MCM8: variants seen among roughly 807,000 people sequenced by gnomAD.
The protein encoded by MCM8 is DNA helicase MCM8.
A neutral mutation model predicts 98.9 loss-of-function variants in MCM8; 85 were observed. The observed-to-expected ratio is 0.86, with a 90% CI of 0.72 to 1.03. MCM8 has a LOEUF of 1.03. Ranked by LOEUF, MCM8 falls within the 50% of genes least tolerant of loss-of-function variation. The probability of loss-of-function intolerance (pLI) is 0.00; values close to 1 mark genes in which losing one functional copy is unlikely to be tolerated. For missense variants in MCM8, 951 were observed against 997.8 expected (o/e 0.95, Z 0.63); for synonymous variants, 352 against 338.6 (o/e 1.04, Z -0.44).
rs1248609117 is a variant in MCM8 at position 5,997,095 on chromosome 20, T to C, written c.*2704T>C. 1 of 152,392 alleles carries C rather than the reference T, an allele frequency of 6.6e-6. No individual in the cohort carries two copies. Among genetic ancestry groups the C allele is most frequent in the Admixed American group, 6.5e-5 (1 of 15,290 alleles). The allele number at this position is 152,392 out of a possible 1,614,324, so 9.4% of individuals were successfully genotyped here. On this transcript the variant is annotated 3_prime_UTR_variant, in exon 19 of 19. Coordinates refer to ENST00000610722, the MANE Select transcript of MCM8 (RefSeq NM_032485.6). Reference sequence around the variant, plus strand: ...ATTGTTTCTGTGTCACCATTGCTGATTAAAACAAATCCTAAGTACAAATGT... The same window carrying C: ...ATTGTTTCTGTGTCACCATTGCTGACTAAAACAAATCCTAAGTACAAATGT...
At chr20:5,978,367 C>G (rs2089558402) in intron 13 of MCM8, among the ~76,000 whole-genome samples, 1 of 152,104 alleles carries the variant, frequency 6.6e-6, no homozygotes. Flanking sequence ...AGTAAGCTCC[C>G]TGTATGGTGG....
Position 5,959,122 on chromosome 20 carries a change from C to T in MCM8, c.789+396C>T, listed in dbSNP as rs1198653880. ...TTTTTTTTCCCCTTTATTTCTTCTA[C>T]TATTTAGAAGTGATGGGTTTTTTAA... On this transcript the variant is annotated intron_variant, in intron 7 of 18. Transcript: ENST00000610722. Among the ~76,000 whole-genome samples the T allele has an allele frequency of 2.6e-5, 4 of 151,568 alleles. No individual in the cohort carries two copies. In the South Asian group the frequency reaches 6.2e-4, roughly 24 times the overall value.
intron 12 of MCM8, among the ~76,000 whole-genome samples, chr20:5,974,013 T>A (rs1397926735): frequency 6.6e-6 from 1 of 152,198 alleles, no homozygotes; most frequent in East Asian, 1.9e-4. Flanking sequence ...ATTCTGCCTC[T>A]GCCAGTCAGA....
In MCM8 at chr20:5,952,002, A is replaced by C. The variant is rs766605374; in HGVS notation, c.-5-9A>C. On this transcript the variant is annotated splice_polypyrimidine_tract_variant and intron_variant, in intron 1 of 18. Coordinates refer to ENST00000610722, the MANE Select transcript of MCM8 (RefSeq NM_032485.6). Reference sequence around the variant, plus strand: ...TTTGGTGAAGACCTTTTTAATATCTATCTTTTAGGAGAGATGAATGGAGAG... The same window carrying C: ...TTTGGTGAAGACCTTTTTAATATCTCTCTTTTAGGAGAGATGAATGGAGAG... 1 of 1,600,932 alleles carries C rather than the reference A, an allele frequency of 6.2e-7. No individual in the cohort carries two copies. Among genetic ancestry groups the C allele is most frequent in the South Asian group, 1.1e-5 (1 of 88,846 alleles).
At chr20:5,965,662 T>C (rs116171907) in intron 8 of MCM8, among the ~76,000 whole-genome samples, 1,989 of 152,334 alleles carry the variant, frequency 0.013, 46 homozygotes, top group African/African-American at 0.046. Flanking sequence ...TCTTTTCTTA[T>C]ACTCTGCTAG....
At chr20:5,959,160 C>G (rs2089069017) in intron 7 of MCM8, among the ~76,000 whole-genome samples, 1 of 151,766 alleles carries the variant, frequency 6.6e-6, no homozygotes, top group African/African-American at 2.4e-5. Context: ...CTTTATTAGC[C>G]TTTATTAAAC....
rs2089956942 is a variant in MCM8 at position 5,996,311 on chromosome 20, A to C, written c.*1920A>C. The C allele has an allele frequency of 6.7e-6, 1 of 149,142 alleles. No individual in the cohort carries two copies. Among genetic ancestry groups the C allele is most frequent in the African/African-American group, 2.5e-5 (1 of 39,914 alleles). 9.2% of individuals were successfully genotyped at this position (149,142 alleles called of 1,614,324 possible). A position where few individuals can be genotyped will look rare whatever the true frequency, so the allele number is the denominator to read the frequency against. On this transcript the variant is annotated 3_prime_UTR_variant, in exon 19 of 19. Coordinates refer to ENST00000610722, the MANE Select transcript of MCM8 (RefSeq NM_032485.6). ...AAAAAAAATGGAGAAAGTAGATAGT[A>C]GTATAAATATAGTGAAGTCTTTAAA...
chr20:5,977,993 G>T lies in MCM8; in HGVS notation c.1513G>T (p.Gly505Cys), dbSNP rs2089549735. 2 of 1,614,074 alleles carry T rather than the reference G, an allele frequency of 1.2e-6. No individual in the cohort carries two copies. The highest frequency in any genetic ancestry group is 1.7e-6 in the Non-Finnish European group (2 of 1,180,032). Residue 505 changes from glycine to cysteine, a missense_variant, in exon 13 of 19, where the codon GGT becomes TGT. Gly to Cys is a radical substitution (Grantham distance 159, BLOSUM62 -3). Transcript: ENST00000610722. ...CTCTGGAGATTTTGCTTTGGAAGCT[G>T]GTGCCCTGGTACTTGGTGATCAAGG... ...SSSGDFALEA[G>C]ALVLGDQGIC...
At chr20:5,958,846 T>G in intron 7 of MCM8, 120 bp downstream of exon 7, 4 of 919,384 alleles carry the variant, frequency 4.4e-6, no homozygotes, top group Non-Finnish European at 6.3e-6. Context: ...TTTTCAATTT[T>G]CTGCTTTTAT....
At chr20:5,991,931 C>T (rs1010853622) in intron 17 of MCM8, among the ~76,000 whole-genome samples, 2 of 152,146 alleles carry the variant, frequency 1.3e-5, no homozygotes, top group Non-Finnish European at 2.9e-5. Flanking sequence ...TTTAAGATTA[C>T]ATTTTAACTG....
chr20:5,952,019 A>G lies in MCM8; in HGVS notation c.4A>G (p.Asn2Asp). Residue 2 changes from asparagine to aspartate, a missense_variant, in exon 2 of 19, where the codon AAT becomes GAT. Coordinates refer to ENST00000610722, the MANE Select transcript of MCM8 (RefSeq NM_032485.6). ...TAATATCTATCTTTTAGGAGAGATG[A>G]ATGGAGAGTATAGAGGCAGAGGATT... MNGEYRGRGFGR... is the reference protein window; with the variant it reads MDGEYRGRGFGR... 1 of 1,612,450 alleles carries G rather than the reference A, an allele frequency of 6.2e-7. No homozygotes were observed. The highest frequency in any genetic ancestry group is 1.1e-5 in the South Asian group (1 of 90,890).
At chr20:5,958,872 A>C in intron 7 of MCM8, 146 bp downstream of exon 7, 1 of 754,598 alleles carries the variant, frequency 1.3e-6, no homozygotes, top group Non-Finnish European at 2.1e-6. Context: ...GAAATACTTC[A>C]GGGTAAGAAA....
rs1443693242 is a variant in MCM8 at position 5,968,040 on chromosome 20, A to G, written c.1223+15A>G. On this transcript the variant is annotated intron_variant, in intron 10 of 18. Coordinates refer to ENST00000610722, the MANE Select transcript of MCM8 (RefSeq NM_032485.6). ...CTCATTGTCAAGTATGTATGCTGTC[A>G]TTTGAAATTTTATTACATAGATGCA... 2 of 1,583,760 alleles carry G rather than the reference A, an allele frequency of 1.3e-6. No homozygotes were observed. Among genetic ancestry groups the G allele is most frequent in the Admixed American group, 1.8e-5 (1 of 54,190 alleles).
In MCM8 at chr20:5,952,413, A is replaced by G; in HGVS notation, c.149-11A>G. 1 of 1,611,804 alleles carries G rather than the reference A, an allele frequency of 6.2e-7. No homozygotes were observed. The highest frequency in any genetic ancestry group is 8.5e-7 in the Non-Finnish European group (1 of 1,179,000). ...TCTGTTTCTACTAACCTAGTATTTT[A>G]TTTTTTTCAGAACAAACCCCACAGT... On this transcript the variant is annotated splice_polypyrimidine_tract_variant and intron_variant, in intron 2 of 18. Coordinates refer to ENST00000610722, the MANE Select transcript of MCM8 (RefSeq NM_032485.6).
At chr20:5,962,154 A>G (rs1053507792) in intron 7 of MCM8, among the ~76,000 whole-genome samples, 4 of 152,142 alleles carry the variant, frequency 2.6e-5, no homozygotes, top group Non-Finnish European at 5.9e-5. Flanking sequence ...TGCACACAGT[A>G]TAGCAGCTCA....
chr20:5,983,195 ATGT>A, intron 14 of MCM8, 30 bp downstream of exon 14: 2 of 1,538,530 alleles, frequency 1.3e-6, no homozygotes, highest in Non-Finnish European at 1.8e-6. Flanking sequence ...TATACCTTTA[ATGT>A]ATTGAATCAC....
At chr20:5,951,598 C>G (rs2088825564) in intron 1 of MCM8, among the ~76,000 whole-genome samples, 1 of 152,196 alleles carries the variant, frequency 6.6e-6, no homozygotes, top group Admixed American at 6.5e-5. Context: ...TGATGTATCC[C>G]TAGTGTCTCA....
At chr20:5,982,115 G>T (rs77756637) in intron 13 of MCM8, among the ~76,000 whole-genome samples, 9 of 152,218 alleles carry the variant, frequency 5.9e-5, no homozygotes, top group Non-Finnish European at 1.2e-4. Context: ...TAAACTAAAG[G>T]CACTGTATGT....
In MCM8 at chr20:5,994,659, G is replaced by C. The variant is rs2089925975; in HGVS notation, c.*268G>C. 1.0e-5 allele frequency: 5 copies of C among 487,328 alleles called. No individual in the cohort carries two copies. In the East Asian group the frequency reaches 2.4e-4, roughly 23 times the overall value. The allele number at this position is 487,328 out of a possible 1,614,324, so 30.2% of individuals were successfully genotyped here. On this transcript the variant is annotated 3_prime_UTR_variant, in exon 19 of 19. Coordinates refer to ENST00000610722, the MANE Select transcript of MCM8 (RefSeq NM_032485.6). ...TCACACTGTAATCACAGTGACTCAG[G>C]AGGCTGAGGTGAGAGGATTCCTTGA...
Sources: allele counts gnomAD v4.1 joint callset (sites outside exome capture counted in the v4.1 genomes callset), GRCh38; gene constraint gnomAD v4.1.1; transcripts MANE v1.5; gene names NCBI Gene and HGNC (gene_info 2026-07-23, HGNC 2026-07-21).